Variants in FBN1 observed in about 807,000 individuals in gnomAD.
The protein encoded by FBN1 is fibrillin 1, also known as fibrillin-1.
FBN1 carries 29 observed loss-of-function variants against 365.1 expected under a neutral mutation model. That is an observed-to-expected ratio of 0.08 (90% confidence interval 0.06 to 0.11). The LOEUF is 0.11. FBN1 is among the 10% of genes least tolerant of loss of function. The pLI is 1.00. For missense variants in FBN1, 2,476 were observed against 3,703.2 expected, an observed-to-expected ratio of 0.67 and a Z score of 8.60; for synonymous variants, 1,210 against 1,270.5, an observed-to-expected ratio of 0.95 and a Z score of 1.01.
chr15:48,493,304 C>T (rs2043577205), intron 23 of FBN1, among the ~76,000 whole-genome samples: 1 of 151,994 alleles, frequency 6.6e-6, no homozygotes, highest in African/African-American at 2.4e-5. Flanking sequence ...AAGGCACTTA[C>T]TTGCCAATGC....
intron 4 of FBN1, among the ~76,000 whole-genome samples, chr15:48,603,371 T>TTG (rs398039510): frequency 2.0e-5 from 1 of 51,214 alleles, no homozygotes; most frequent in East Asian, 8.6e-4. Flanking sequence ...CATGGGAAAC[T>TTG]GTATTCGTTG....
chr15:48,487,979 C>T, intron 27 of FBN1, 134 bp downstream of exon 27: 1 of 1,171,942 alleles, frequency 8.5e-7, no homozygotes, highest in Non-Finnish European at 1.3e-6. Flanking sequence ...CTCAGTCTCC[C>T]TCTGTTGCAG....
chr15:48,548,144 G>C (rs188488662), intron 6 of FBN1, among the ~76,000 whole-genome samples: 1 of 152,304 alleles, frequency 6.6e-6, no homozygotes, highest in East Asian at 1.9e-4. Context: ...GCAGACCCTA[G>C]AACTGAGTTT....
intron 63 of FBN1, among the ~76,000 whole-genome samples, chr15:48,420,439 T>C (rs980442260): frequency 2.0e-5 from 3 of 152,158 alleles, no homozygotes; most frequent in Non-Finnish European, 4.4e-5. Context: ...GTGGAGGATA[T>C]TGCGCTTCAA....
chr15:48,504,987 G>T (rs1248980685), intron 16 of FBN1, 38 bp downstream of exon 16: 3 of 1,612,752 alleles, frequency 1.9e-6, no homozygotes, highest in Non-Finnish European at 2.5e-6. Flanking sequence ...GACAGAGGCT[G>T]AACCTCTCTC....
intron 63 of FBN1, among the ~76,000 whole-genome samples, chr15:48,417,380 C>A (rs116927415): frequency 0.016 from 2,433 of 151,086 alleles, 43 homozygotes; most frequent in East Asian, 0.071. Flanking sequence ...CTCCTTCCCT[C>A]CTACCTTCTT....
chr15:48,445,594 T>C, intron 47 of FBN1, 90 bp from the exon 48 acceptor site: 2 of 1,470,568 alleles, frequency 1.4e-6, no homozygotes, highest in Non-Finnish European at 1.9e-6. Flanking sequence ...AAAAATACTT[T>C]TTCTGAATTT....
In FBN1 at chr15:48,506,268, A is replaced by T. The variant is rs546400060; in HGVS notation, c.1838-1121T>A. Among the ~76,000 whole-genome samples, 85 of 152,252 alleles carry T rather than the reference A, an allele frequency of 5.6e-4. 1 individual carries two copies. Among genetic ancestry groups the T allele is most frequent in the African/African-American group, 1.9e-3 (81 of 41,560 alleles). On this transcript the variant is annotated intron_variant, in intron 15 of 65. Transcript: ENST00000316623. The stretch of plus-strand genomic sequence containing the variant: ...AGAAAAAAGCAAATGATTTTATAAC[A>T]ACTCCTTTTATAATATACAACTAGT...
chr15:48,466,570 T>C (rs888830507), intron 38 of FBN1, among the ~76,000 whole-genome samples: 3 of 152,236 alleles, frequency 2.0e-5, no homozygotes, highest in Non-Finnish European at 4.4e-5. Context: ...TGAGGAGCTA[T>C]AAGATCAGTT....
In FBN1 at chr15:48,526,205, T is replaced by C. The variant is rs758035051; in HGVS notation, c.913A>G (p.Thr305Ala). The C allele has an allele frequency of 3.7e-6, 6 of 1,613,948 alleles. No homozygotes were observed. The East Asian group carries it at 1.3e-4, about 36-fold the overall frequency. Residue 305 changes from threonine (T) to alanine (A), a missense_variant, in exon 9 of 66, where the codon ACA becomes GCA. Thr to Ala is a moderately conservative substitution (Grantham distance 58, BLOSUM62 0). Transcript: ENST00000316623. The part of the protein sequence containing the change: ...IPGICEGGEC[T>A]NTVSSYFCKC... ...CAAAAGTAACTGCTGACTGTGTTTG[T>C]ACATTCACCCCCTTCACAGATTCCA...
chr15:48,571,084 G>C (rs549600885), intron 6 of FBN1, among the ~76,000 whole-genome samples: 1 of 152,312 alleles, frequency 6.6e-6, no homozygotes, highest in Non-Finnish European at 1.5e-5. Flanking sequence ...CACGTTCAGG[G>C]ACAAATGCTA....
At chr15:48,420,432 G>A (rs1403147580) in intron 63 of FBN1, among the ~76,000 whole-genome samples, 1 of 152,122 alleles carries the variant, frequency 6.6e-6, no homozygotes. Flanking sequence ...CGGGAGGGTG[G>A]AGGATATTGC....
chr15:48,415,923 G>A (rs1203322278), intron 63 of FBN1, among the ~76,000 whole-genome samples, 156 bp from the exon 64 acceptor site: 3 of 152,172 alleles, frequency 2.0e-5, no homozygotes, highest in Non-Finnish European at 4.4e-5. Context: ...AGCAACAGCA[G>A]AGAAAGATGC....
Position 48,465,862 on chromosome 15 carries a change from T to C in FBN1, c.4748-4A>G. On this transcript the variant is annotated splice_region_variant and splice_polypyrimidine_tract_variant and intron_variant, in intron 38 of 65. Transcript: ENST00000316623. ...GGACAAAGAATTTTGTACTCGGCTA[T>C]TGAAACAAAAATTCAAATTGAGTTG... is the stretch of plus-strand genomic sequence containing the variant. 1.9e-6 allele frequency: 3 copies of C among 1,609,134 alleles called. No homozygotes were observed. The highest frequency in any genetic ancestry group is 1.1e-5 in the South Asian group (1 of 90,942).
intron 57 of FBN1, 129 bp downstream of exon 57, chr15:48,428,217 C>T: frequency 1.6e-6 from 2 of 1,270,506 alleles, no homozygotes; most frequent in Non-Finnish European, 2.2e-6. Context: ...ACGGCATCTC[C>T]AAAATATGAA....
Position 48,644,923 on chromosome 15 carries a change from T to C in FBN1, c.-154A>G. On this transcript the variant is annotated 5_prime_UTR_variant, in exon 2 of 66. Coordinates refer to ENST00000316623, the MANE Select transcript of FBN1 (RefSeq NM_000138.5). ...GGCTCCTCCCGCCTTCTCCAGGCGC[T>C]GCTCCCACTTCAGGCGGCCCCTGCC... 1 of 644,062 alleles carries C rather than the reference T, an allele frequency of 1.6e-6. No homozygotes were observed. Among genetic ancestry groups the C allele is most frequent in the Non-Finnish European group, 2.2e-6 (1 of 455,630 alleles). The allele number at this position is 644,062 out of a possible 1,614,324, so 39.9% of individuals were successfully genotyped here. A position where few individuals can be genotyped will look rare whatever the true frequency, so the allele number is the denominator to read the frequency against.
chr15:48,600,532 C>T (rs1052148049), intron 4 of FBN1, among the ~76,000 whole-genome samples: 5 of 152,050 alleles, frequency 3.3e-5, no homozygotes, highest in African/African-American at 4.8e-5. Context: ...GGTGGAACCC[C>T]GTCCCTACTA....
At chr15:48,433,268 G>A (rs1020364825) in intron 54 of FBN1, among the ~76,000 whole-genome samples, 2 of 152,060 alleles carry the variant, frequency 1.3e-5, no homozygotes, top group African/African-American at 4.8e-5. Flanking sequence ...TAGGTGGATG[G>A]GAAATTACAG....
intron 44 of FBN1, among the ~76,000 whole-genome samples, chr15:48,455,565 TC>T (rs1597540108): frequency 1.3e-5 from 2 of 152,190 alleles, no homozygotes; most frequent in African/African-American, 2.4e-5. Flanking sequence ...GGGTTCCCTC[TC>T]CCACATCCAT....
Sources: gnomAD v4.1 joint callset for allele counts (sites outside exome capture counted in the v4.1 genomes callset) on GRCh38, gnomAD v4.1.1 for gene constraint, MANE v1.5 for transcripts, NCBI Gene and HGNC (gene_info 2026-07-23, HGNC 2026-07-21) for gene names.